SQOR: variants seen among roughly 807,000 people sequenced by gnomAD.
SQOR encodes sulfide:quinone oxidoreductase, mitochondrial.
Under a neutral mutation model 48.6 loss-of-function variants are expected in SQOR, and 39 were observed. The ratio of observed to expected loss-of-function variants is 0.80; its 90% CI spans 0.62 to 1.05. The LOEUF is 1.05. SQOR is among the 50% of genes least tolerant of loss of function. SQOR has a pLI of 0.00. For synonymous variants in SQOR, 220 were observed against 206.2 expected (o/e 1.07, Z -0.57); for missense variants, 561 against 559.9 (o/e 1.00, Z -0.02).
intron 1 of SQOR, among the ~76,000 whole-genome samples, chr15:45,651,444 G>A (rs896642818): frequency 3.0e-4 from 45 of 152,330 alleles, no homozygotes; most frequent in African/African-American, 1.1e-3. Context: ...AGCCCATAGA[G>A]GGGCCCCCAC....
intron 6 of SQOR, among the ~76,000 whole-genome samples, chr15:45,681,038 G>T (rs984230164): frequency 2.0e-5 from 3 of 151,866 alleles, no homozygotes; most frequent in Non-Finnish European, 2.9e-5. Flanking sequence ...GCAAGACCGA[G>T]TCTCTAATAA....
At chr15:45,685,432 C>T (rs765617483) in intron 7 of SQOR, among the ~76,000 whole-genome samples, 2 of 152,226 alleles carry the variant, frequency 1.3e-5, no homozygotes, top group Admixed American at 6.5e-5. Flanking sequence ...CTCATGTCCC[C>T]TTCTCTGCTT....
chr15:45,653,321 G>C (rs556747985), intron 1 of SQOR, among the ~76,000 whole-genome samples: 16 of 152,218 alleles, frequency 1.1e-4, no homozygotes, highest in South Asian at 2.1e-4. Context: ...AAATCCCAAG[G>C]CTCCCATGAT....
At chr15:45,669,196 G>T (rs1371882991) in intron 3 of SQOR, among the ~76,000 whole-genome samples, 1 of 149,564 alleles carries the variant, frequency 6.7e-6, no homozygotes, top group Non-Finnish European at 1.5e-5. Context: ...TTGAGACAGG[G>T]TCTCACTCTA....
At chr15:45,652,444 T>C (rs1889510409) in intron 1 of SQOR, among the ~76,000 whole-genome samples, 1 of 152,088 alleles carries the variant, frequency 6.6e-6, no homozygotes, top group Non-Finnish European at 1.5e-5. Flanking sequence ...AAGCAATTCT[T>C]GTGCCTCAGC....
At chr15:45,650,604 T>G (rs1228713645) in intron 1 of SQOR, among the ~76,000 whole-genome samples, 22 of 152,220 alleles carry the variant, frequency 1.4e-4, no homozygotes, top group Admixed American at 1.4e-3. Flanking sequence ...AGCCTGCTTT[T>G]ATTCCCTTAT....
intron 3 of SQOR, among the ~76,000 whole-genome samples, chr15:45,667,139 C>CCTCCCCTCCCCTCCTCTCCT (rs1566920166): frequency 9.3e-6 from 1 of 107,286 alleles, no homozygotes; most frequent in African/African-American, 3.7e-5. Context: ...CCTCCTCTCC[C>CCTCCCCTCCCCTCCTCTCCT]CTCCCCTCCC....
chr15:45,649,829 T>C (rs556864372), intron 1 of SQOR, among the ~76,000 whole-genome samples: 13 of 151,488 alleles, frequency 8.6e-5, no homozygotes, highest in African/African-American at 2.7e-4. Flanking sequence ...GAAGGTGGGA[T>C]ATGGGCAATG....
chr15:45,679,532 A>G (rs1352663848), intron 6 of SQOR, among the ~76,000 whole-genome samples: 1 of 152,094 alleles, frequency 6.6e-6, no homozygotes, highest in African/African-American at 2.4e-5. Context: ...TGAAACCTGT[A>G]TCTACTGAAA....
At chr15:45,683,635 A>T (rs1466838976) in intron 7 of SQOR, among the ~76,000 whole-genome samples, 1 of 152,124 alleles carries the variant, frequency 6.6e-6, no homozygotes, top group African/African-American at 2.4e-5. Flanking sequence ...GACTATTTCA[A>T]CCTCAAGGTA....
chr15:45,690,928 C>G (rs777066885), intron 9 of SQOR, 45 bp from the exon 10 acceptor site: 1 of 1,571,216 alleles, frequency 6.4e-7, no homozygotes, highest in Non-Finnish European at 8.8e-7. Context: ...GAAGTCGCCC[C>G]ATCTCTCTTG....
In SQOR at chr15:45,682,887, G is replaced by A. The variant is rs1595509880; in HGVS notation, c.1048+226G>A. Among the ~76,000 whole-genome samples, 6 of 152,112 alleles carry A rather than the reference G, an allele frequency of 3.9e-5. No homozygotes were observed. The South Asian group carries it at 1.2e-3, about 32-fold the overall frequency. The stretch of plus-strand genomic sequence containing the variant: ...TACTAAAAATACAAAAATTAGTCAG[G>A]CGTGTGGTGGGCGCCTGCAATCCCA... On this transcript the variant is annotated intron_variant, in intron 7 of 9. Coordinates refer to ENST00000260324, the MANE Select transcript of SQOR (RefSeq NM_021199.4).
chr15:45,647,035 G>A (rs1889353216), intron 1 of SQOR, among the ~76,000 whole-genome samples: 1 of 152,066 alleles, frequency 6.6e-6, no homozygotes, highest in South Asian at 2.1e-4. Context: ...GATCAACTGA[G>A]GTCAGGAGTT....
chr15:45,654,568 G>A (rs1889559987), intron 1 of SQOR, among the ~76,000 whole-genome samples: 1 of 152,280 alleles, frequency 6.6e-6, no homozygotes, highest in African/African-American at 2.4e-5. Context: ...ATTTTCAAGA[G>A]AGGAACCATG....
intron 1 of SQOR, among the ~76,000 whole-genome samples, chr15:45,656,824 A>G (rs1889619767): frequency 6.6e-6 from 1 of 152,006 alleles, no homozygotes; most frequent in African/African-American, 2.4e-5. Flanking sequence ...TGTTTTTTTC[A>G]GACAGAGTCT....
At chr15:45,649,624 C>A (rs1028286923) in intron 1 of SQOR, among the ~76,000 whole-genome samples, 2 of 152,040 alleles carry the variant, frequency 1.3e-5, no homozygotes, top group African/African-American at 4.8e-5. Flanking sequence ...GGATTACAGG[C>A]ACCTGCCTCC....
chr15:45,639,129 C>T (rs1440632574), intron 1 of SQOR, among the ~76,000 whole-genome samples: 1 of 152,194 alleles, frequency 6.6e-6, no homozygotes, highest in Non-Finnish European at 1.5e-5. Context: ...CCGACATGTC[C>T]ATCACTTGCT....
At chr15:45,650,075 T>A (rs754858310) in intron 1 of SQOR, among the ~76,000 whole-genome samples, 4 of 151,768 alleles carry the variant, frequency 2.6e-5, no homozygotes, top group Non-Finnish European at 5.9e-5. Context: ...ACTCATGACC[T>A]CAAGTGATCC....
At chr15:45,662,557 C>T (rs1199704171) in intron 3 of SQOR, among the ~76,000 whole-genome samples, 1 of 152,300 alleles carries the variant, frequency 6.6e-6, no homozygotes, top group East Asian at 1.9e-4. Flanking sequence ...CCCTGGGGGG[C>T]GCTCTACCAG....
Sources: allele counts gnomAD v4.1 joint callset (sites outside exome capture counted in the v4.1 genomes callset), GRCh38; gene constraint gnomAD v4.1.1; transcripts MANE v1.5; gene names NCBI Gene and HGNC (gene_info 2026-07-23, HGNC 2026-07-21).